The following PCSK5 variants were observed in gnomAD, a reference collection of about 807,000 sequenced individuals.
The protein encoded by PCSK5 is proprotein convertase subtilisin/kexin type 5.
Under a neutral mutation model 233.2 loss-of-function variants are expected in PCSK5, and 129 were observed. The ratio of observed to expected loss-of-function variants is 0.55; its 90% CI spans 0.48 to 0.64. The LOEUF is 0.64. PCSK5 is among the 30% of genes least tolerant of loss of function. PCSK5 has a pLI of 0.00. For synonymous variants in PCSK5, 825 were observed against 879.2 expected, an observed-to-expected ratio of 0.94 and a Z score of 1.09; for missense variants, 2,076 against 2,430.1, an observed-to-expected ratio of 0.85 and a Z score of 3.06.
In PCSK5 at chr9:76,265,083, A is replaced by G. The variant is rs1405061968; in HGVS notation, c.3142+24399A>G. On this transcript the variant is annotated intron_variant, in intron 24 of 37. Coordinates refer to ENST00000674117, the MANE Select transcript of PCSK5 (RefSeq NM_001372043.1). ...ATGGACTACTATGCAGCCATAAAAA[A>G]GAAAAAATTATGTCCTTTGTAGCAA... 2.6e-5 allele frequency among the ~76,000 whole-genome samples: 4 copies of G among 152,182 alleles called. No homozygotes were observed. In the East Asian group the frequency reaches 7.7e-4, roughly 29 times the overall value.
intron 20 of PCSK5, among the ~76,000 whole-genome samples, chr9:76,207,653 G>A (rs1825173469): frequency 6.6e-6 from 1 of 152,180 alleles, no homozygotes; most frequent in African/African-American, 2.4e-5. Flanking sequence ...ATGCCCTGAT[G>A]TGTTAACACG....
At chr9:76,040,715 A>G (rs1829082035) in intron 5 of PCSK5, among the ~76,000 whole-genome samples, 2 of 152,132 alleles carry the variant, frequency 1.3e-5, no homozygotes, top group African/African-American at 2.4e-5. Flanking sequence ...AGGACCCTAG[A>G]TGCTTTTTCT....
intron 2 of PCSK5, among the ~76,000 whole-genome samples, chr9:75,978,761 C>T (rs911243435): frequency 6.6e-6 from 1 of 152,018 alleles, no homozygotes; most frequent in African/African-American, 2.4e-5. Context: ...GGCGTTAATA[C>T]CCAAAATCAA....
chr9:75,945,691 C>T (rs1186254726), intron 2 of PCSK5, among the ~76,000 whole-genome samples: 3 of 152,062 alleles, frequency 2.0e-5, no homozygotes, highest in Non-Finnish European at 4.4e-5. Context: ...TAGCCTCTTT[C>T]TACCTCTCTG....
chr9:76,063,319 CTTTTTTTTTTTT>C (rs1157596601), intron 5 of PCSK5, among the ~76,000 whole-genome samples: 20 of 59,708 alleles, frequency 3.3e-4, no homozygotes, highest in South Asian at 8.6e-4. Context: ...TTTCTTTTTT[CTTTTTTTTTTTT>C]TTTTTTTTTT....
intron 12 of PCSK5, among the ~76,000 whole-genome samples, chr9:76,164,928 A>G (rs1823029717): frequency 6.7e-6 from 1 of 149,024 alleles, no homozygotes; most frequent in South Asian, 2.1e-4. Flanking sequence ...TGCATATTGG[A>G]AGGTTTTTTA....
chr9:76,180,296 A>G (rs1254073511), intron 15 of PCSK5, among the ~76,000 whole-genome samples: 1 of 152,040 alleles, frequency 6.6e-6, no homozygotes, highest in Non-Finnish European at 1.5e-5. Flanking sequence ...GATTTCTTGA[A>G]CTTATTCCTC....
chr9:75,996,197 G>A (rs1827015182), intron 3 of PCSK5, among the ~76,000 whole-genome samples: 1 of 149,560 alleles, frequency 6.7e-6, no homozygotes, highest in South Asian at 2.1e-4. Flanking sequence ...TACAGCTTAG[G>A]GAATCCCAAC....
intron 10 of PCSK5, among the ~76,000 whole-genome samples, chr9:76,150,611 C>T (rs1453985438): frequency 2.0e-5 from 3 of 152,116 alleles, no homozygotes. Flanking sequence ...CCAGCCTGGG[C>T]AACAAGAGTG....
chr9:76,224,415 T>C (rs567669311), intron 20 of PCSK5, among the ~76,000 whole-genome samples: 19 of 151,806 alleles, frequency 1.3e-4, no homozygotes, highest in African/African-American at 4.6e-4. Context: ...ACTTTTGACA[T>C]TGAGAAAAAA....
At position 76,165,426 on chromosome 9, in the gene PCSK5, A is replaced by G. The variant is rs116440000; in HGVS notation, c.1620-4278A>G. Among the ~76,000 whole-genome samples, 825 of 152,338 alleles carry G rather than the reference A, an allele frequency of 5.4e-3. 8 individuals carry two copies. Among genetic ancestry groups the G allele is most frequent in the African/African-American group, 0.019 (800 of 41,572 alleles). On this transcript the variant is annotated intron_variant, in intron 12 of 37. Coordinates refer to ENST00000674117, the MANE Select transcript of PCSK5 (RefSeq NM_001372043.1). ...CACAGAAGAATGCTGTGGCCTTGATACATTCACTAGACTCTTTAAGAGGAA... is the reference window on the plus strand; with the variant it reads ...CACAGAAGAATGCTGTGGCCTTGATGCATTCACTAGACTCTTTAAGAGGAA...
intron 2 of PCSK5, among the ~76,000 whole-genome samples, chr9:75,948,676 A>G (rs561576480): frequency 6.6e-6 from 1 of 152,290 alleles, no homozygotes; most frequent in East Asian, 1.9e-4. Flanking sequence ...GTATATACCC[A>G]GTAATGGGAT....
chr9:76,181,141 T>C (rs1823853513), intron 15 of PCSK5, among the ~76,000 whole-genome samples: 1 of 152,214 alleles, frequency 6.6e-6, no homozygotes, highest in Non-Finnish European at 1.5e-5. Context: ...TCATCATTTT[T>C]CAAGAGCTAG....
At chr9:76,186,307 A>T (rs1286749494) in intron 17 of PCSK5, among the ~76,000 whole-genome samples, 3 of 152,260 alleles carry the variant, frequency 2.0e-5, no homozygotes, top group Admixed American at 6.5e-5. Flanking sequence ...AATTTTACAT[A>T]GCCAAGTTGT....
chr9:75,890,166 T>C (rs1021796708), upstream of PCSK5, among the ~76,000 whole-genome samples: 1 of 152,230 alleles, frequency 6.6e-6, no homozygotes, highest in African/African-American at 2.4e-5. Flanking sequence ...TGCGACTTAC[T>C]GTCCTGTGTG....
intron 2 of PCSK5, among the ~76,000 whole-genome samples, chr9:75,952,688 A>G (rs1217339242): frequency 6.6e-6 from 1 of 152,152 alleles, no homozygotes; most frequent in African/African-American, 2.4e-5. Flanking sequence ...TACATTTTCT[A>G]GAATGGCATA....
At chr9:76,194,931 A>G (rs754969816) in intron 20 of PCSK5, 2 of 192,800 alleles carry the variant, frequency 1.0e-5, no homozygotes, top group Non-Finnish European at 2.3e-5. Context: ...CCTGGGAAAG[A>G]GCTAGGAAGT....
intron 24 of PCSK5, among the ~76,000 whole-genome samples, chr9:76,270,890 G>C (rs974075269): frequency 6.6e-6 from 1 of 152,152 alleles, no homozygotes; most frequent in Non-Finnish European, 1.5e-5. Context: ...TCCCAAACCT[G>C]CACCTGTTCT....
chr9:76,337,749 C>T (rs959575731), intron 34 of PCSK5, among the ~76,000 whole-genome samples: 1 of 152,000 alleles, frequency 6.6e-6, no homozygotes, highest in Non-Finnish European at 1.5e-5. Context: ...GCTATAATTA[C>T]AGGTGTGAGC....
Sources: allele counts gnomAD v4.1 joint callset (sites outside exome capture counted in the v4.1 genomes callset), GRCh38; gene constraint gnomAD v4.1.1; transcripts MANE v1.5; gene names NCBI Gene and HGNC (gene_info 2026-07-23, HGNC 2026-07-21).